Variants in MYT1L observed in about 807,000 individuals in gnomAD.
The protein encoded by MYT1L is myelin transcription factor 1-like protein.
In MYT1L, 12 loss-of-function variants were observed where a neutral mutation model predicts 126.7. The ratio of observed to expected loss-of-function variants is 0.09; its 90% CI spans 0.06 to 0.15. The LOEUF is 0.15. Ranked by LOEUF, MYT1L falls within the 10% of genes least tolerant of loss-of-function variation. MYT1L has a pLI of 1.00. For missense variants in MYT1L, 979 were observed against 1,585.2 expected (o/e 0.62, Z 6.49); for synonymous variants, 541 against 604.2 (o/e 0.90, Z 1.53).
At chr2:1,967,844 A>G (rs1261957471) in intron 8 of MYT1L, among the ~76,000 whole-genome samples, 1 of 152,080 alleles carries the variant, frequency 6.6e-6, no homozygotes, top group Non-Finnish European at 1.5e-5. Flanking sequence ...TGCTGTTATT[A>G]CCAGAAGGGC....
At chr2:2,146,739 T>C (rs2084935980) in intron 3 of MYT1L, among the ~76,000 whole-genome samples, 1 of 152,190 alleles carries the variant, frequency 6.6e-6, no homozygotes, top group Admixed American at 6.5e-5. Flanking sequence ...ATTTTCTTGG[T>C]GCAATTTTCG....
chr2:2,283,997 G>A lies in MYT1L; in HGVS notation c.-421+407C>T, dbSNP rs140767981. Reference sequence around the variant, plus strand: ...TGGCCTCACCCAAAGCAGGCACTCAGGCTAAAGTGAAGGAGTAGGAGTGGG... The same window carrying A: ...TGGCCTCACCCAAAGCAGGCACTCAAGCTAAAGTGAAGGAGTAGGAGTGGG... On this transcript the variant is annotated intron_variant, in intron 2 of 24. Transcript: ENST00000647738. Among the ~76,000 whole-genome samples, 745 of 152,270 alleles carry A rather than the reference G, an allele frequency of 4.9e-3. 6 individuals carry two copies. Among genetic ancestry groups the A allele is most frequent in the African/African-American group, 0.017 (706 of 41,538 alleles).
At chr2:2,290,177 C>A (rs527747102) in intron 1 of MYT1L, among the ~76,000 whole-genome samples, 35 of 152,288 alleles carry the variant, frequency 2.3e-4, no homozygotes, top group African/African-American at 7.9e-4. Flanking sequence ...AGGTCTAGAA[C>A]CTTGTCTTGG....
intron 2 of MYT1L, among the ~76,000 whole-genome samples, chr2:2,276,601 C>T (rs115930340): frequency 3.9e-5 from 6 of 152,246 alleles, no homozygotes; most frequent in African/African-American, 1.4e-4. Flanking sequence ...ACTCTGCAAG[C>T]GCTAAGGCTG....
chr2:2,313,861 C>T (rs952622363), intron 1 of MYT1L, among the ~76,000 whole-genome samples: 41 of 152,214 alleles, frequency 2.7e-4, no homozygotes, highest in Non-Finnish European at 3.4e-4. Context: ...TCGATACATA[C>T]GTTTATAAAT....
chr2:1,844,051 C>T (rs2042183203), intron 19 of MYT1L, among the ~76,000 whole-genome samples: 1 of 152,128 alleles, frequency 6.6e-6, no homozygotes, highest in African/African-American at 2.4e-5. Flanking sequence ...GGGCACTAGC[C>T]CAGGGCACCT....
intron 4 of MYT1L, among the ~76,000 whole-genome samples, chr2:2,040,788 T>C (rs2150011125): frequency 6.6e-6 from 1 of 152,322 alleles, no homozygotes; most frequent in East Asian, 1.9e-4. Context: ...GTAAAAGTAG[T>C]TTTATTAAGT....
chr2:1,846,042 A>G (rs867629080), intron 19 of MYT1L, among the ~76,000 whole-genome samples: 5 of 152,318 alleles, frequency 3.3e-5, no homozygotes, highest in South Asian at 2.1e-4. Context: ...TTAGGCTTTG[A>G]TAAGTACATA....
intron 4 of MYT1L, among the ~76,000 whole-genome samples, chr2:2,044,618 G>C (rs549603850): frequency 2.0e-5 from 3 of 152,102 alleles, no homozygotes; most frequent in Non-Finnish European, 4.4e-5. Context: ...AATGACTCTA[G>C]GTCTTTCTAA....
At chr2:2,094,245 C>T (rs1241054472) in intron 3 of MYT1L, among the ~76,000 whole-genome samples, 2 of 152,056 alleles carry the variant, frequency 1.3e-5, no homozygotes, top group Admixed American at 6.5e-5. Flanking sequence ...GTTAGAATGG[C>T]GATCATTAAA....
In MYT1L at chr2:1,789,462, T is replaced by G. The variant is rs1412978667; in HGVS notation, c.*2405A>C. The stretch of plus-strand genomic sequence containing the variant: ...CATATGAAAGGTCAGCATTCTAATA[T>G]GTGACACTTTTGTGATCCCTATATA... On this transcript the variant is annotated 3_prime_UTR_variant, in exon 25 of 25. Transcript: ENST00000647738. The G allele has an allele frequency of 6.6e-6, 1 of 152,260 alleles. No individual in the cohort carries two copies. The highest frequency in any genetic ancestry group is 1.5e-5 in the Non-Finnish European group (1 of 68,042). The allele number at this position is 152,260 out of a possible 1,614,324, so 9.4% of individuals were successfully genotyped here. A position where few individuals can be genotyped will look rare whatever the true frequency, so the allele number is the denominator to read the frequency against.
chr2:2,223,779 T>G (rs2149002719), intron 2 of MYT1L, among the ~76,000 whole-genome samples: 1 of 152,338 alleles, frequency 6.6e-6, no homozygotes, highest in South Asian at 2.1e-4. Context: ...TATGTTTCCA[T>G]TTTCATTTTG....
Position 1,922,656 on chromosome 2 carries a change from C to T in MYT1L, c.1113G>A (p.Thr371=), listed in dbSNP as rs750512584. The part of the protein sequence containing the change: ...VRPEEDFPGR[T]PDRNYSDMLN... Reference sequence around the variant, plus strand: ...GCATGTCCGAGTAGTTTCTGTCCGGCGTCCTTCCGGGGAAGTCCTCTTCTG... The same window carrying T: ...GCATGTCCGAGTAGTTTCTGTCCGGTGTCCTTCCGGGGAAGTCCTCTTCTG... Residue 371 remains threonine, a synonymous_variant, in exon 10 of 25, where the codon ACG becomes ACA. Transcript: ENST00000647738. The surrounding 1 kb of genome is among the most constrained non-coding windows in gnomAD (Gnocchi z 7.4). The T allele has an allele frequency of 1.8e-5, 29 of 1,613,716 alleles. No homozygotes were observed. Among genetic ancestry groups the T allele is most frequent in the Non-Finnish European group, 2.1e-5 (25 of 1,179,852 alleles).
chr2:2,115,333 C>T (rs1246176941), intron 3 of MYT1L, among the ~76,000 whole-genome samples: 2 of 152,170 alleles, frequency 1.3e-5, no homozygotes, highest in Non-Finnish European at 2.9e-5. Flanking sequence ...ATACAGAGAG[C>T]ACATAGTAGG....
chr2:2,045,850 T>G (rs1278752903), intron 4 of MYT1L, among the ~76,000 whole-genome samples: 1 of 152,142 alleles, frequency 6.6e-6, no homozygotes, highest in Non-Finnish European at 1.5e-5. Flanking sequence ...TGTCCCTATG[T>G]TTGCCACCAA....
chr2:1,790,098 G>A lies in MYT1L; in HGVS notation c.*1769C>T, dbSNP rs1332472278. 6.6e-6 allele frequency: 1 copy of A among 152,150 alleles called. No homozygotes were observed. The highest frequency in any genetic ancestry group is 1.5e-5 in the Non-Finnish European group (1 of 68,046). The allele number at this position is 152,150 out of a possible 1,614,324, so 9.4% of individuals were successfully genotyped here. On this transcript the variant is annotated 3_prime_UTR_variant, in exon 25 of 25. Coordinates refer to ENST00000647738, the MANE Select transcript of MYT1L (RefSeq NM_001303052.2). ...AATCCATCCAGGTTCAGTGTCACAA[G>A]GCTACTGACACGAGGAATTGCACAC...
chr2:1,834,230 G>A (rs544733878), intron 21 of MYT1L, among the ~76,000 whole-genome samples: 5 of 152,284 alleles, frequency 3.3e-5, no homozygotes, highest in Admixed American at 2.0e-4. Flanking sequence ...CAATCTTGAC[G>A]TGCCCGCGGG....
At chr2:2,174,231 T>A (rs2090449322) in intron 2 of MYT1L, among the ~76,000 whole-genome samples, 1 of 152,180 alleles carries the variant, frequency 6.6e-6, no homozygotes, top group African/African-American at 2.4e-5. Flanking sequence ...CACTTAGCTT[T>A]TAATACAAAT....
At chr2:2,235,871 G>C (rs1053713391) in intron 2 of MYT1L, among the ~76,000 whole-genome samples, 1 of 152,138 alleles carries the variant, frequency 6.6e-6, no homozygotes, top group Admixed American at 6.5e-5. Flanking sequence ...AGAAAATGTG[G>C]TTGTGAATGG....
Sources: gnomAD v4.1 joint callset for allele counts (sites outside exome capture counted in the v4.1 genomes callset) on GRCh38, gnomAD v4.1.1 for gene constraint, Gnocchi (gnomAD v3.1) non-coding constraint, MANE v1.5 for transcripts, NCBI Gene and HGNC (gene_info 2026-07-23, HGNC 2026-07-21) for gene names.